FAT3: variants seen among roughly 807,000 people sequenced by gnomAD.
FAT3 encodes the protein FAT atypical cadherin 3.
Under a neutral mutation model 310.2 loss-of-function variants are expected in FAT3, and 95 were observed. The ratio of observed to expected loss-of-function variants is 0.31; its 90% CI spans 0.26 to 0.36. The LOEUF (loss-of-function observed/expected upper bound fraction) is 0.36. FAT3 is among the 10% of genes least tolerant of loss of function. The pLI, the probability that FAT3 is intolerant of heterozygous loss-of-function variation, is 1.00. For missense variants in FAT3, 5,408 were observed against 5,715.6 expected, an observed-to-expected ratio of 0.95 and a Z score of 1.74; for synonymous variants, 2,314 against 2,192.9, an observed-to-expected ratio of 1.06 and a Z score of -1.54.
intron 3 of FAT3, among the ~76,000 whole-genome samples, chr11:92,538,039 A>G (rs1954317868): frequency 6.6e-6 from 1 of 152,134 alleles, no homozygotes; most frequent in Admixed American, 6.6e-5. Flanking sequence ...CATTTGTGAA[A>G]TTTTGTGGAT....
intron 4 of FAT3, among the ~76,000 whole-genome samples, chr11:92,756,154 G>A (rs889427940): frequency 6.6e-6 from 1 of 152,104 alleles, no homozygotes; most frequent in Non-Finnish European, 1.5e-5. Context: ...TTTCCATAGG[G>A]GATATGTTCC....
intron 3 of FAT3, among the ~76,000 whole-genome samples, chr11:92,657,954 T>A (rs960506985): frequency 2.6e-5 from 4 of 152,204 alleles, no homozygotes; most frequent in Non-Finnish European, 5.9e-5. Flanking sequence ...AGGAGCCATA[T>A]ATGTAATTTT....
At chr11:92,650,815 A>G (rs1942348680) in intron 3 of FAT3, among the ~76,000 whole-genome samples, 2 of 152,198 alleles carry the variant, frequency 1.3e-5, no homozygotes, top group African/African-American at 4.8e-5. Flanking sequence ...GGGGGTTAAT[A>G]TGAAAATACT....
chr11:92,845,024 A>C (rs1159843687), intron 19 of FAT3, among the ~76,000 whole-genome samples: 3 of 151,958 alleles, frequency 2.0e-5, no homozygotes, highest in African/African-American at 7.3e-5. Flanking sequence ...CCCCAAAGGG[A>C]GTATCCTCTA....
intron 1 of FAT3, among the ~76,000 whole-genome samples, chr11:92,340,313 T>C (rs954883596): frequency 3.3e-5 from 5 of 151,978 alleles, no homozygotes; most frequent in African/African-American, 1.2e-4. Flanking sequence ...AGAGTGGAGA[T>C]GTCAGACTGG....
intron 1 of FAT3, among the ~76,000 whole-genome samples, chr11:92,229,235 A>G (rs923515457): frequency 6.6e-6 from 1 of 152,130 alleles, no homozygotes; most frequent in African/African-American, 2.4e-5. Flanking sequence ...TAACTGTTGA[A>G]TATGTCATTT....
At chr11:92,280,016 T>G (rs1443618465) in intron 1 of FAT3, among the ~76,000 whole-genome samples, 5 of 152,144 alleles carry the variant, frequency 3.3e-5, no homozygotes, top group Admixed American at 3.3e-4. Context: ...GCAAATGTGT[T>G]TTCTAGTAAA....
At chr11:92,320,280 C>T (rs1947577678) in intron 1 of FAT3, among the ~76,000 whole-genome samples, 2 of 152,160 alleles carry the variant, frequency 1.3e-5, no homozygotes, top group African/African-American at 2.4e-5. Flanking sequence ...CAGTTTATTT[C>T]AGCACTGGTC....
At chr11:92,836,839 C>G in intron 16 of FAT3, 136 bp downstream of exon 16, 1 of 993,856 alleles carries the variant, frequency 1.0e-6, no homozygotes. Flanking sequence ...GGCTAAAATG[C>G]AGCATGAAAT....
rs774655063 is a variant in FAT3, at chr11:92,801,178, C to G, written c.8165C>G (p.Ala2722Gly). ...QYSFTIAEDT[A>G]IGSTVDTLRI... Reference sequence around the variant, plus strand: ...TCCTTTACCATTGCAGAAGATACAGCCATTGGGAGTACAGTGGACACCCTG... The same window carrying G: ...TCCTTTACCATTGCAGAAGATACAGGCATTGGGAGTACAGTGGACACCCTG... Residue 2722 changes from alanine to glycine, a missense_variant, in exon 10 of 28, where the codon GCC (alanine) becomes GGC (glycine). Transcript: ENST00000525166. 7.4e-6 allele frequency: 12 copies of G among 1,613,778 alleles called. No individual in the cohort carries two copies. In the East Asian group the frequency reaches 2.7e-4, roughly 36 times the overall value.
At chr11:92,392,682 T>C (rs997210330) in intron 2 of FAT3, among the ~76,000 whole-genome samples, 2 of 152,210 alleles carry the variant, frequency 1.3e-5, no homozygotes, top group African/African-American at 4.8e-5. Flanking sequence ...CACATCTGTC[T>C]GGTTTCCTGT....
At chr11:92,810,135 C>T (rs1947629274) in intron 13 of FAT3, 59 bp downstream of exon 13, 2 of 1,476,646 alleles carry the variant, frequency 1.4e-6, no homozygotes, top group Non-Finnish European at 1.9e-6. Flanking sequence ...TCAGGTGCTG[C>T]CATTCCTTTA....
At chr11:92,736,248 G>T (rs572678975) in intron 4 of FAT3, among the ~76,000 whole-genome samples, 81 of 152,200 alleles carry the variant, frequency 5.3e-4, no homozygotes, top group African/African-American at 1.9e-3. Context: ...GCCAGCAGAG[G>T]GTTCAAGTTC....
intron 21 of FAT3, among the ~76,000 whole-genome samples, chr11:92,859,566 T>C (rs1762385422): frequency 6.6e-6 from 1 of 152,200 alleles, no homozygotes; most frequent in Non-Finnish European, 1.5e-5. Flanking sequence ...GTTCAAGGGC[T>C]GGCTTCCTTT....
chr11:92,329,390 C>T (rs1947848985), intron 1 of FAT3, among the ~76,000 whole-genome samples: 1 of 152,034 alleles, frequency 6.6e-6, no homozygotes, highest in Non-Finnish European at 1.5e-5. Context: ...CCTCTCCTGC[C>T]ACGTGATCTC....
intron 3 of FAT3, among the ~76,000 whole-genome samples, chr11:92,594,813 G>A (rs570955295): frequency 4.6e-5 from 7 of 152,032 alleles, no homozygotes; most frequent in African/African-American, 1.7e-4. Context: ...GATATTTGCT[G>A]CCAAAATCCA....
chr11:92,794,830 A>G (rs746745521), intron 9 of FAT3, among the ~76,000 whole-genome samples: 2 of 152,248 alleles, frequency 1.3e-5, no homozygotes, highest in Non-Finnish European at 1.5e-5. Context: ...GGCTCTTCAC[A>G]GACAGACAGA....
At chr11:92,860,848 G>A (rs1949101837) in intron 21 of FAT3, among the ~76,000 whole-genome samples, 1 of 152,210 alleles carries the variant, frequency 6.6e-6, no homozygotes, top group Non-Finnish European at 1.5e-5. Flanking sequence ...GATGGCCATA[G>A]TTGAGTGAGC....
intron 3 of FAT3, among the ~76,000 whole-genome samples, chr11:92,553,728 G>A (rs548785632): frequency 3.1e-4 from 20 of 64,628 alleles, no homozygotes; most frequent in Admixed American, 9.6e-4. Context: ...TTCCTTTTTC[G>A]TTGTTTCTTT....
Sources: gnomAD v4.1 joint callset for allele counts (sites outside exome capture counted in the v4.1 genomes callset) on GRCh38, gnomAD v4.1.1 for gene constraint, MANE v1.5 for transcripts, NCBI Gene and HGNC (gene_info 2026-07-23, HGNC 2026-07-21) for gene names.